The following SLC26A7 variants were observed in gnomAD, a reference collection of about 807,000 sequenced individuals.
The protein encoded by SLC26A7 is anion exchange transporter.
In SLC26A7, 59 loss-of-function variants were observed where a neutral mutation model predicts 82.5. That is an observed-to-expected ratio of 0.72 (90% CI 0.58 to 0.89). SLC26A7 has a LOEUF of 0.89. Among genes scored for constraint, SLC26A7 ranks in the 40% least tolerant of loss-of-function variants. SLC26A7 has a pLI of 0.00. For missense variants in SLC26A7, 820 were observed against 793.0 expected, an observed-to-expected ratio of 1.03 and a Z score of -0.41; for synonymous variants, 271 against 274.3, an observed-to-expected ratio of 0.99 and a Z score of 0.12.
chr8:91,318,636 C>A (rs1384173037), intron 5 of SLC26A7, among the ~76,000 whole-genome samples: 2 of 151,832 alleles, frequency 1.3e-5, no homozygotes, highest in Non-Finnish European at 2.9e-5. Context: ...AAAAAAAAAC[C>A]TGAATTTTTT....
chr8:91,317,570 G>T (rs1003745167), intron 4 of SLC26A7, among the ~76,000 whole-genome samples: 3 of 152,092 alleles, frequency 2.0e-5, no homozygotes, highest in Admixed American at 2.0e-4. Context: ...ACAACCTCTG[G>T]CATAAATGGG....
chr8:91,349,329 C>T (rs2130853107), intron 9 of SLC26A7, among the ~76,000 whole-genome samples: 1 of 152,188 alleles, frequency 6.6e-6, no homozygotes, highest in Admixed American at 6.5e-5. Context: ...CACCCTTTAC[C>T]AAATAAGATC....
At chr8:91,254,908 A>C (rs886926890) in intron 2 of SLC26A7, among the ~76,000 whole-genome samples, 1 of 152,160 alleles carries the variant, frequency 6.6e-6, no homozygotes, top group East Asian at 1.9e-4. Context: ...TTTATAGATA[A>C]GCAAACATTT....
At chr8:91,284,058 G>A (rs1028360055) in intron 2 of SLC26A7, among the ~76,000 whole-genome samples, 2 of 152,186 alleles carry the variant, frequency 1.3e-5, no homozygotes, top group African/African-American at 4.8e-5. Flanking sequence ...TGAGAAATAT[G>A]TGTATATACA....
At position 91,363,478 on chromosome 8, in the gene SLC26A7, G is replaced by T; in HGVS notation, c.1428G>T (p.Met476Ile). 6.7e-7 allele frequency: 1 copy of T among 1,495,608 alleles called. No individual in the cohort carries two copies. The highest frequency in any genetic ancestry group is 1.2e-5 in the South Asian group (1 of 83,634). The allele number at this position is 1,495,608 out of a possible 1,614,324, so 92.6% of individuals were successfully genotyped here. A position where few individuals can be genotyped will look rare whatever the true frequency, so the allele number is the denominator to read the frequency against. Reference sequence around the variant, plus strand: ...CTATCTGCTTTAATTTCAGAGCAATGACTGTAAGTATAAAAAATATGAAAG... The same window carrying T: ...CTATCTGCTTTAATTTCAGAGCAATTACTGTAAGTATAAAAAATATGAAAG... ...AIVIGRFPRA[M>I]TVSIKNMKEM... Residue 476 changes from methionine (M) to isoleucine (I), a missense_variant, in exon 13 of 19, where the codon ATG (methionine) becomes ATT (isoleucine). Met to Ile is a conservative substitution (Grantham distance 10). Transcript: ENST00000276609.
Position 91,366,575 on chromosome 8 carries a change from A to G in SLC26A7, c.1489-5A>G. ...AGTTCTGAATCTGTTTTTCTCCTCCAAAAGGAAACCCTGCAGCAGGTGAAA... is the reference window on the plus strand; with the variant it reads ...AGTTCTGAATCTGTTTTTCTCCTCCGAAAGGAAACCCTGCAGCAGGTGAAA... On this transcript the variant is annotated splice_polypyrimidine_tract_variant and splice_region_variant and intron_variant, in intron 13 of 18. Coordinates refer to ENST00000276609, the MANE Select transcript of SLC26A7 (RefSeq NM_052832.4). 1 of 1,609,890 alleles carries G rather than the reference A, an allele frequency of 6.2e-7. No individual in the cohort carries two copies. Among genetic ancestry groups the G allele is most frequent in the African/African-American group, 1.3e-5 (1 of 74,538 alleles).
At chr8:91,257,091 G>A (rs1273037590) in intron 2 of SLC26A7, among the ~76,000 whole-genome samples, 1 of 152,000 alleles carries the variant, frequency 6.6e-6, no homozygotes, top group East Asian at 1.9e-4. Flanking sequence ...TAAAACCCTG[G>A]ATTTCCCACC....
At chr8:91,239,393 A>T (rs370922695) in intron 2 of SLC26A7, among the ~76,000 whole-genome samples, 9,790 of 99,218 alleles carry the variant, frequency 0.099, 359 homozygotes, top group Middle Eastern at 0.19. Context: ...AAAAAAAAAA[A>T]AAATATATAT....
chr8:91,254,000 G>T (rs1160452777), intron 2 of SLC26A7, among the ~76,000 whole-genome samples: 4 of 151,976 alleles, frequency 2.6e-5, no homozygotes, highest in Non-Finnish European at 5.9e-5. Context: ...ATGTAATAAA[G>T]ATACTGATAG....
At chr8:91,228,750 T>C (rs1307768437) in intron 2 of SLC26A7, among the ~76,000 whole-genome samples, 1 of 152,198 alleles carries the variant, frequency 6.6e-6, no homozygotes, top group South Asian at 2.1e-4. Context: ...GATTTCTTTC[T>C]GGTGTGACTG....
chr8:91,319,469 A>G (rs1338280603), intron 5 of SLC26A7, among the ~76,000 whole-genome samples: 1 of 152,234 alleles, frequency 6.6e-6, no homozygotes, highest in Non-Finnish European at 1.5e-5. Context: ...ATAAAAAGCA[A>G]TTAGCAACAC....
chr8:91,294,338 T>G (rs1425429490), intron 3 of SLC26A7, among the ~76,000 whole-genome samples: 4 of 152,160 alleles, frequency 2.6e-5, no homozygotes, highest in African/African-American at 9.7e-5. Context: ...AGGTGACAGT[T>G]CTGGGATTTT....
At chr8:91,230,210 T>C (rs1388640559) in intron 2 of SLC26A7, among the ~76,000 whole-genome samples, 2 of 152,212 alleles carry the variant, frequency 1.3e-5, no homozygotes, top group South Asian at 4.1e-4. Context: ...ATTCTCCAAT[T>C]TGGGCTTGTC....
rs774493180 is a variant in SLC26A7, at chr8:91,393,765, T to A, written c.1777-32T>A. 3.1e-6 allele frequency: 5 copies of A among 1,607,916 alleles called. No individual in the cohort carries two copies. In the Admixed American group the frequency reaches 8.4e-5, roughly 27 times the overall value. ...TTTCCTCCTGCTGGCTATTCTGAAT[T>A]AATTGTGGGTATCCTATTTTAATTC... is the stretch of plus-strand genomic sequence containing the variant. On this transcript the variant is annotated intron_variant, in intron 16 of 18. Coordinates refer to ENST00000276609, the MANE Select transcript of SLC26A7 (RefSeq NM_052832.4).
At chr8:91,301,507 G>A (rs1483753543) in intron 4 of SLC26A7, among the ~76,000 whole-genome samples, 4 of 151,808 alleles carry the variant, frequency 2.6e-5, no homozygotes, top group Non-Finnish European at 5.9e-5. Context: ...TTACATGTAG[G>A]TCTTTAAAGT....
chr8:91,264,450 C>A (rs1391698067), intron 2 of SLC26A7, among the ~76,000 whole-genome samples: 4 of 152,034 alleles, frequency 2.6e-5, no homozygotes, highest in African/African-American at 9.7e-5. Context: ...TCATGGGAAC[C>A]TGCAGAATAG....
chr8:91,289,067 A>G (rs994477074), intron 2 of SLC26A7, 69 bp from the exon 3 acceptor site: 15 of 979,994 alleles, frequency 1.5e-5, no homozygotes, highest in Non-Finnish European at 2.1e-5. Flanking sequence ...ACCAATACCT[A>G]TTCTTTTGTG....
At chr8:91,243,044 A>C (rs966338929) in intron 2 of SLC26A7, among the ~76,000 whole-genome samples, 4 of 152,182 alleles carry the variant, frequency 2.6e-5, no homozygotes, top group African/African-American at 7.2e-5. Flanking sequence ...ACAGCGGTGG[A>C]TTTGCAAAAA....
chr8:91,323,401 T>G lies in SLC26A7; in HGVS notation c.642+5021T>G, dbSNP rs563618479. On this transcript the variant is annotated intron_variant, in intron 5 of 18. Transcript: ENST00000276609. The stretch of plus-strand genomic sequence containing the variant: ...CTCAACCATCGTAGGCCAAACTCTC[T>G]CCATCCCTCACAATTCACTGAAAAA... Among the ~76,000 whole-genome samples the G allele has an allele frequency of 2.0e-5, 3 of 152,268 alleles. No homozygotes were observed. The South Asian group carries it at 6.2e-4, about 32-fold the overall frequency.
Sources: gnomAD v4.1 joint callset for allele counts (sites outside exome capture counted in the v4.1 genomes callset) on GRCh38, gnomAD v4.1.1 for gene constraint, MANE v1.5 for transcripts, NCBI Gene and HGNC (gene_info 2026-07-23, HGNC 2026-07-21) for gene names.